TBL1X: variants seen among roughly 807,000 people sequenced by gnomAD.
TBL1X encodes the protein F-box-like/WD repeat-containing protein TBL1X.
TBL1X carries 10 observed loss-of-function variants against 50.7 expected under a neutral mutation model. The ratio of observed to expected loss-of-function variants is 0.20; its 90% CI spans 0.12 to 0.33. The LOEUF (loss-of-function observed/expected upper bound fraction) is 0.33. Ranked by LOEUF, TBL1X falls within the 10% of genes least tolerant of loss-of-function variation. The pLI is 1.00. For missense variants in TBL1X, 340 were observed against 504.4 expected (o/e 0.67, Z 3.12); for synonymous variants, 190 against 214.7 (o/e 0.88, Z 1.01).
At chrX:9,705,242 A>G in intron 13 of TBL1X, 128 bp downstream of exon 13, 1 of 1,095,371 alleles carries the variant, frequency 9.1e-7, no homozygotes, top group South Asian at 2.0e-5. Flanking sequence ...TGGCTATTTG[A>G]GCTGTCATGG....
At chrX:9,525,179 G>A (rs2082125906) in intron 2 of TBL1X, among the ~76,000 whole-genome samples, 2 of 111,206 alleles carry the variant, frequency 1.8e-5, no homozygotes, top group Middle Eastern at 4.6e-3. Context: ...GAGAAATTTC[G>A]TCTTTCCACA....
chrX:9,705,420 G>A (rs1252293632), intron 13 of TBL1X, among the ~76,000 whole-genome samples: 1 of 111,043 alleles, frequency 9.0e-6, no homozygotes, highest in East Asian at 2.8e-4. Flanking sequence ...TAAATGAATA[G>A]ACGGGGCACA....
chrX:9,604,410 T>C (rs767630710), intron 2 of TBL1X, among the ~76,000 whole-genome samples: 108 of 107,851 alleles, frequency 1.0e-3, no homozygotes, highest in South Asian at 2.4e-3. Flanking sequence ...TTCCCCCCCT[T>C]TTTTTTTTGC....
At chrX:9,601,993 G>A (rs5933746) in intron 2 of TBL1X, among the ~76,000 whole-genome samples, 29,318 of 111,036 alleles carry the variant, frequency 0.26, 3,032 homozygotes, top group East Asian at 0.67. Flanking sequence ...GCAGTGAGCC[G>A]AGATTGCGCC....
At chrX:9,565,025 C>T (rs1227647312) in intron 2 of TBL1X, among the ~76,000 whole-genome samples, 5 of 110,139 alleles carry the variant, frequency 4.5e-5, no homozygotes. Context: ...AATCCCAGCA[C>T]TTTGGGAGGC....
chrX:9,608,089 A>G (rs1195715431), intron 2 of TBL1X, among the ~76,000 whole-genome samples: 1 of 110,281 alleles, frequency 9.1e-6, no homozygotes, highest in South Asian at 3.9e-4. Context: ...GGCATGAGCC[A>G]TGTGCCTGGC....
chrX:9,649,638 C>T (rs977238400), intron 3 of TBL1X, among the ~76,000 whole-genome samples: 3 of 112,108 alleles, frequency 2.7e-5, no homozygotes, highest in African/African-American at 9.7e-5. Context: ...ATCCCCATCT[C>T]CTCAGGATCT....
intron 2 of TBL1X, among the ~76,000 whole-genome samples, chrX:9,538,523 G>A (rs188840209): frequency 3.7e-4 from 42 of 112,437 alleles, no homozygotes; most frequent in Admixed American, 3.7e-3. Flanking sequence ...GACGTGCCCA[G>A]TCTCCCATCC....
At chrX:9,658,100 ATGTAAGATG>A (rs1437814622) in intron 5 of TBL1X, among the ~76,000 whole-genome samples, 1 of 111,654 alleles carries the variant, frequency 9.0e-6, no homozygotes, top group Non-Finnish European at 1.9e-5. Context: ...TCCTGCAGCC[ATGTAAGATG>A]TGACTTTGTT....
intron 2 of TBL1X, among the ~76,000 whole-genome samples, chrX:9,613,590 G>A (rs1318576934): frequency 9.0e-6 from 1 of 111,593 alleles, no homozygotes; most frequent in African/African-American, 3.3e-5. Context: ...AGGAAATTTA[G>A]TAGGAAAAAG....
chrX:9,583,418 G>T (rs1360101806), intron 2 of TBL1X, among the ~76,000 whole-genome samples: 2 of 112,448 alleles, frequency 1.8e-5, no homozygotes, highest in Non-Finnish European at 3.8e-5. Context: ...CAGGGATCAG[G>T]TTGTGTACTT....
At chrX:9,632,382 G>A (rs1425634491) in intron 2 of TBL1X, among the ~76,000 whole-genome samples, 2 of 111,678 alleles carry the variant, frequency 1.8e-5, no homozygotes, top group Non-Finnish European at 3.8e-5. Context: ...CCGAGTTCAA[G>A]CGATTCTCGT....
Position 9,716,443 on chromosome X carries a change from G to T in TBL1X, c.*197G>T. 1 of 413,457 alleles carries T rather than the reference G, an allele frequency of 2.4e-6. No individual in the cohort carries two copies. The allele number at this position is 413,457 out of a possible 1,213,427, so 34.1% of individuals were successfully genotyped here. A position where few individuals can be genotyped will look rare whatever the true frequency, so the allele number is the denominator to read the frequency against. ...AGTTTTTAAAAGGCAAGCAAAAACA[G>T]AAGCAAATCATATCAAACGGGGATA... On this transcript the variant is annotated 3_prime_UTR_variant, in exon 18 of 18. Coordinates refer to ENST00000645353, the MANE Select transcript of TBL1X (RefSeq NM_005647.4).
intron 2 of TBL1X, among the ~76,000 whole-genome samples, chrX:9,524,996 C>T (rs948036459): frequency 1.8e-5 from 2 of 111,887 alleles, no homozygotes; most frequent in African/African-American, 3.3e-5. Context: ...CAGCAATCAC[C>T]TGTCCTTGGA....
chrX:9,635,109 A>G (rs1245480593), intron 2 of TBL1X, among the ~76,000 whole-genome samples: 1 of 111,210 alleles, frequency 9.0e-6, no homozygotes, highest in Non-Finnish European at 1.9e-5. Context: ...CTGAGTTGGT[A>G]TGGCTGTAGG....
At chrX:9,561,865 A>G (rs1396806882) in intron 2 of TBL1X, among the ~76,000 whole-genome samples, 1 of 112,164 alleles carries the variant, frequency 8.9e-6, no homozygotes, top group Non-Finnish European at 1.9e-5. Flanking sequence ...GTTAAATGAA[A>G]TTGAAGACAG....
chrX:9,691,451 A>G (rs1465906253), intron 7 of TBL1X, 128 bp from the exon 8 acceptor site: 23 of 710,406 alleles, frequency 3.2e-5, no homozygotes, highest in African/African-American at 1.6e-4. Context: ...AAAAAAAAAA[A>G]AAAGAAAAGG....
chrX:9,524,570 T>C (rs1281897801), intron 2 of TBL1X, among the ~76,000 whole-genome samples: 1 of 112,002 alleles, frequency 8.9e-6, no homozygotes, highest in African/African-American at 3.2e-5. Context: ...TCTTTCCTTT[T>C]TAAGGCTGAG....
chrX:9,523,613 G>A (rs1301781791), intron 2 of TBL1X, among the ~76,000 whole-genome samples: 1 of 112,682 alleles, frequency 8.9e-6, no homozygotes, highest in East Asian at 2.8e-4. Context: ...CAGTGGTTCA[G>A]CACAGTGTGG....
Sources: gnomAD v4.1 joint callset for allele counts (sites outside exome capture counted in the v4.1 genomes callset) on GRCh38, gnomAD v4.1.1 for gene constraint, MANE v1.5 for transcripts, NCBI Gene and HGNC (gene_info 2026-07-23, HGNC 2026-07-21) for gene names.